Variants in SORCS1 observed in about 807,000 individuals in gnomAD.
SORCS1 encodes VPS10 domain-containing receptor SorCS1.
SORCS1 carries 60 observed loss-of-function variants against 146.1 expected under a neutral mutation model. That is an observed-to-expected ratio of 0.41 (90% CI 0.33 to 0.51). The LOEUF (loss-of-function observed/expected upper bound fraction) is 0.51. Among genes scored for constraint, SORCS1 ranks in the 20% least tolerant of loss-of-function variants. The probability of loss-of-function intolerance (pLI) is 0.21; values close to 1 mark genes in which losing one functional copy is unlikely to be tolerated. For synonymous variants in SORCS1, 637 were observed against 584.0 expected (o/e 1.09, Z -1.31); for missense variants, 1,352 against 1,487.6 (o/e 0.91, Z 1.50).
chr10:106,666,718 A>G (rs1463137927), intron 17 of SORCS1, among the ~76,000 whole-genome samples: 2 of 149,730 alleles, frequency 1.3e-5, no homozygotes, highest in Non-Finnish European at 3.0e-5. Flanking sequence ...CACCATGTGC[A>G]GTTAATTTTT....
chr10:106,824,707 A>C (rs1198830169), intron 3 of SORCS1, among the ~76,000 whole-genome samples: 1 of 152,204 alleles, frequency 6.6e-6, no homozygotes, highest in East Asian at 1.9e-4. Flanking sequence ...CCTTATTTAG[A>C]AAGTGCCACA....
chr10:107,100,185 A>G (rs962625173), intron 1 of SORCS1, among the ~76,000 whole-genome samples: 1 of 152,054 alleles, frequency 6.6e-6, no homozygotes, highest in Non-Finnish European at 1.5e-5. Flanking sequence ...TGAGTTTTTC[A>G]AACATGAGAG....
chr10:106,814,830 A>G (rs554930549), intron 3 of SORCS1, among the ~76,000 whole-genome samples: 3 of 138,520 alleles, frequency 2.2e-5, no homozygotes, highest in East Asian at 4.8e-4. Context: ...CAGGAGAATG[A>G]CGTAAACCTG....
rs554887203 is a variant in SORCS1 at position 107,127,188 on chromosome 10, A to G, written c.558+36781T>C. On this transcript the variant is annotated intron_variant, in intron 1 of 25. Coordinates refer to ENST00000263054, the MANE Select transcript of SORCS1 (RefSeq NM_052918.5). ...TGCTGATAAAGAGCTAGATCTTGCC[A>G]TTAGGTAAGAGAGATTCTAGATGAA... Among the ~76,000 whole-genome samples, 4 of 152,292 alleles carry G rather than the reference A, an allele frequency of 2.6e-5. No homozygotes were observed. In the South Asian group the frequency reaches 8.3e-4, roughly 32 times the overall value.
chr10:106,813,797 G>A (rs146104382), intron 3 of SORCS1, among the ~76,000 whole-genome samples: 1 of 152,138 alleles, frequency 6.6e-6, no homozygotes, highest in South Asian at 2.1e-4. Context: ...AAATTAGCTG[G>A]CAGAGGGGAC....
chr10:106,879,700 G>A (rs944279083), intron 2 of SORCS1, among the ~76,000 whole-genome samples: 8 of 152,224 alleles, frequency 5.3e-5, no homozygotes, highest in African/African-American at 1.7e-4. Flanking sequence ...GATGGAGAGG[G>A]CCAAGTGAGG....
At chr10:106,695,522 T>C (rs375093838) in intron 9 of SORCS1, among the ~76,000 whole-genome samples, 1 of 152,174 alleles carries the variant, frequency 6.6e-6, no homozygotes, top group South Asian at 2.1e-4. Flanking sequence ...CCACTTACCA[T>C]CTTTGCGGTC....
At chr10:107,152,997 GC>G in intron 1 of SORCS1, among the ~76,000 whole-genome samples, 1 of 151,880 alleles carries the variant, frequency 6.6e-6, no homozygotes, top group Non-Finnish European at 1.5e-5. Context: ...ATCTGCCTCT[GC>G]TCTCTGGCTT....
intron 1 of SORCS1, among the ~76,000 whole-genome samples, chr10:107,054,456 T>G (rs1190623098): frequency 6.6e-6 from 1 of 152,092 alleles, no homozygotes; most frequent in African/African-American, 2.4e-5. Flanking sequence ...AGAGTCCAAG[T>G]AGAGAGATTC....
chr10:106,637,075 TGTGA>T, intron 18 of SORCS1, among the ~76,000 whole-genome samples: 1 of 152,278 alleles, frequency 6.6e-6, no homozygotes, highest in East Asian at 1.9e-4. Flanking sequence ...TTCCTGGTAG[TGTGA>T]GTGTTTGACA....
At position 107,003,407 on chromosome 10, in the gene SORCS1, G is replaced by C. The variant is rs553832897; in HGVS notation, c.559-46827C>G. 1.2e-4 allele frequency among the ~76,000 whole-genome samples: 18 copies of C among 150,448 alleles called. 1 individual carries two copies. Among genetic ancestry groups the C allele is most frequent in the Middle Eastern group, 3.4e-3 (1 of 292 alleles). Reference sequence around the variant, plus strand: ...AAAGTATGCATGTGTTGTGTGTATAGAGAGAATAATAAATTCCCATAAGTG... The same window carrying C: ...AAAGTATGCATGTGTTGTGTGTATACAGAGAATAATAAATTCCCATAAGTG... On this transcript the variant is annotated intron_variant, in intron 1 of 25. Coordinates refer to ENST00000263054, the MANE Select transcript of SORCS1 (RefSeq NM_052918.5).
chr10:106,694,738 C>A (rs1853566736), intron 9 of SORCS1, among the ~76,000 whole-genome samples: 1 of 152,168 alleles, frequency 6.6e-6, no homozygotes, highest in South Asian at 2.1e-4. Context: ...CTGTGTGTAA[C>A]AGAACATGCC....
At chr10:106,978,398 A>G (rs1330166038) in intron 1 of SORCS1, among the ~76,000 whole-genome samples, 2 of 152,214 alleles carry the variant, frequency 1.3e-5, no homozygotes, top group Non-Finnish European at 1.5e-5. Context: ...ATGGAAAACG[A>G]TTATAGATTT....
chr10:106,807,416 C>A (rs1221077320), intron 3 of SORCS1, among the ~76,000 whole-genome samples: 2 of 152,198 alleles, frequency 1.3e-5, no homozygotes, highest in Non-Finnish European at 2.9e-5. Flanking sequence ...CTCCCAATTA[C>A]ATCTCTCCTC....
chr10:106,819,066 T>G lies in SORCS1; in HGVS notation c.726+10508A>C, dbSNP rs186896833. 1.5e-3 allele frequency among the ~76,000 whole-genome samples: 234 copies of G among 152,310 alleles called. 3 individuals carry two copies. Among genetic ancestry groups the G allele is most frequent in the Middle Eastern group, 3.4e-3 (1 of 294 alleles). ...AAAATAGGCATTTAATACCTTCTGG[T>G]TGAGTTGACAAAAGACAGCATAAGG... is the stretch of plus-strand genomic sequence containing the variant. On this transcript the variant is annotated intron_variant, in intron 3 of 25. Transcript: ENST00000263054.
chr10:106,892,804 C>T (rs1951286383), intron 2 of SORCS1, among the ~76,000 whole-genome samples: 1 of 151,432 alleles, frequency 6.6e-6, no homozygotes, highest in African/African-American at 2.4e-5. Flanking sequence ...AAGAACTGCA[C>T]ATTTCAAATG....
At chr10:106,618,112 T>C in intron 21 of SORCS1, 37 bp downstream of exon 21, 1 of 1,612,478 alleles carries the variant, frequency 6.2e-7, no homozygotes, top group Non-Finnish European at 8.5e-7. Context: ...CCTCTGAGCA[T>C]GAAGACAGCA....
chr10:106,976,322 T>C (rs1028411545), intron 1 of SORCS1, among the ~76,000 whole-genome samples: 1 of 105,166 alleles, frequency 9.5e-6, no homozygotes, highest in African/African-American at 4.8e-5. Flanking sequence ...ACTCATCATC[T>C]AGGTTTTTTT....
Position 106,976,725 on chromosome 10 carries a change from G to A in SORCS1, c.559-20145C>T, listed in dbSNP as rs540023522. Among the ~76,000 whole-genome samples the A allele has an allele frequency of 2.0e-5, 3 of 152,246 alleles. No individual in the cohort carries two copies. In the South Asian group the frequency reaches 6.2e-4, roughly 32 times the overall value. On this transcript the variant is annotated intron_variant, in intron 1 of 25. Coordinates refer to ENST00000263054, the MANE Select transcript of SORCS1 (RefSeq NM_052918.5). The stretch of plus-strand genomic sequence containing the variant: ...TCACCCCCAATTGGCTCCGGTGTGT[G>A]TTGTTCCCCTCCCTGTGTCTATGTG...
Sources: gnomAD v4.1 joint callset for allele counts (sites outside exome capture counted in the v4.1 genomes callset) on GRCh38, gnomAD v4.1.1 for gene constraint, MANE v1.5 for transcripts, NCBI Gene and HGNC (gene_info 2026-07-23, HGNC 2026-07-21) for gene names.